Variants in NRG3 observed in about 807,000 individuals in gnomAD.
NRG3 encodes neuregulin 3.
Under a neutral mutation model 66.9 loss-of-function variants are expected in NRG3, and 31 were observed. The ratio of observed to expected loss-of-function variants is 0.46; its 90% CI spans 0.35 to 0.63. NRG3 has a LOEUF of 0.63. Ranked by LOEUF, NRG3 falls within the 20% of genes least tolerant of loss-of-function variation. The pLI, the probability that NRG3 is intolerant of heterozygous loss-of-function variation, is 0.00. For synonymous variants in NRG3, 393 were observed against 359.4 expected (o/e 1.09, Z -1.06); for missense variants, 910 against 878.9 (o/e 1.04, Z -0.45).
Position 82,871,126 on chromosome 10 carries a change from G to A in NRG3, c.1054+5689G>A, listed in dbSNP as rs114175255. Among the ~76,000 whole-genome samples, 707 of 152,220 alleles carry A rather than the reference G, an allele frequency of 4.6e-3. 7 individuals are homozygous for A. The highest frequency in any genetic ancestry group is 0.016 in the African/African-American group (666 of 41,550). On this transcript the variant is annotated intron_variant, in intron 4 of 8. Transcript: ENST00000372141. Reference sequence around the variant, plus strand: ...GTGTAAGGTCTGTGTCTAGGTGCATGTTTTATTGAATGTGGATGTCAAGTT... The same window carrying A: ...GTGTAAGGTCTGTGTCTAGGTGCATATTTTATTGAATGTGGATGTCAAGTT...
chr10:82,974,323 C>T (rs1474424303), intron 7 of NRG3, among the ~76,000 whole-genome samples: 1 of 152,024 alleles, frequency 6.6e-6, no homozygotes, highest in Admixed American at 6.6e-5. Flanking sequence ...TAAAATTTTC[C>T]ACGGGGAAGA....
At chr10:82,123,940 T>C (rs2068258921) in intron 1 of NRG3, among the ~76,000 whole-genome samples, 1 of 151,950 alleles carries the variant, frequency 6.6e-6, no homozygotes, top group South Asian at 2.1e-4. Flanking sequence ...TGACATCTGA[T>C]ACTCAGGACT....
chr10:82,290,709 A>G (rs1344113416), intron 1 of NRG3, among the ~76,000 whole-genome samples: 3 of 151,040 alleles, frequency 2.0e-5, no homozygotes, highest in Non-Finnish European at 4.4e-5. Flanking sequence ...ATCTCGGCTC[A>G]CTGCAACCTC....
chr10:82,198,273 G>A (rs1392428025), intron 1 of NRG3, among the ~76,000 whole-genome samples: 2 of 150,350 alleles, frequency 1.3e-5, no homozygotes, highest in East Asian at 2.0e-4. Context: ...TCCTTGGGTG[G>A]CAGATCAAAT....
intron 4 of NRG3, among the ~76,000 whole-genome samples, chr10:82,930,243 G>T (rs1847432743): frequency 1.3e-5 from 2 of 152,146 alleles, no homozygotes; most frequent in African/African-American, 4.8e-5. Context: ...GTTTCCCCTT[G>T]TGTGGCAATT....
chr10:82,040,933 C>T (rs542527898), intron 1 of NRG3, among the ~76,000 whole-genome samples: 1 of 152,022 alleles, frequency 6.6e-6, no homozygotes, highest in African/African-American at 2.4e-5. Flanking sequence ...TTTAGACATG[C>T]CCAAAGTGAA....
At chr10:82,304,266 A>G (rs7072313) in intron 1 of NRG3, among the ~76,000 whole-genome samples, 43,683 of 152,026 alleles carry the variant, frequency 0.29, 6,417 homozygotes, top group Middle Eastern at 0.33. Context: ...GAATCTTTTC[A>G]TATGTCTAAG....
intron 4 of NRG3, among the ~76,000 whole-genome samples, chr10:82,906,622 A>C (rs973182241): frequency 6.6e-6 from 1 of 152,204 alleles, no homozygotes; most frequent in African/African-American, 2.4e-5. Flanking sequence ...CATGAAATTT[A>C]AATTAAAACA....
At chr10:82,105,088 G>T (rs2066978351) in intron 1 of NRG3, among the ~76,000 whole-genome samples, 1 of 152,106 alleles carries the variant, frequency 6.6e-6, no homozygotes, top group African/African-American at 2.4e-5. Flanking sequence ...AATATTTTCT[G>T]AGGTTATAGA....
At chr10:82,869,819 C>T (rs1017840641) in intron 4 of NRG3, among the ~76,000 whole-genome samples, 2 of 150,122 alleles carry the variant, frequency 1.3e-5, no homozygotes, top group South Asian at 2.1e-4. Context: ...CGTGTTAGCC[C>T]GGATGGTCTC....
intron 2 of NRG3, among the ~76,000 whole-genome samples, chr10:82,649,701 A>C (rs2133878532): frequency 6.6e-6 from 1 of 151,912 alleles, no homozygotes; most frequent in East Asian, 1.9e-4. Flanking sequence ...TGATCTGCCC[A>C]CTTCAGCCTC....
At chr10:81,904,272 A>G (rs1844375945) in intron 1 of NRG3, among the ~76,000 whole-genome samples, 1 of 151,764 alleles carries the variant, frequency 6.6e-6, no homozygotes, top group South Asian at 2.1e-4. Context: ...AGCCTCCCAA[A>G]CTGCTGGGAT....
chr10:82,008,414 A>G (rs1050448054), intron 1 of NRG3, among the ~76,000 whole-genome samples: 1 of 152,258 alleles, frequency 6.6e-6, no homozygotes, highest in African/African-American at 2.4e-5. Flanking sequence ...GTGATTTGCT[A>G]TAAATATTAC....
chr10:82,119,359 G>C (rs2067935855), intron 1 of NRG3, among the ~76,000 whole-genome samples: 1 of 152,050 alleles, frequency 6.6e-6, no homozygotes, highest in Admixed American at 6.6e-5. Context: ...CTAGCTCCCT[G>C]AATATTTTTA....
At chr10:82,071,867 T>G (rs2133331988) in intron 1 of NRG3, among the ~76,000 whole-genome samples, 1 of 152,144 alleles carries the variant, frequency 6.6e-6, no homozygotes, top group South Asian at 2.1e-4. Flanking sequence ...TAGGGAAGGG[T>G]TTGGTTGATA....
At chr10:82,869,268 T>G (rs550473395) in intron 4 of NRG3, among the ~76,000 whole-genome samples, 1 of 152,188 alleles carries the variant, frequency 6.6e-6, no homozygotes, top group Non-Finnish European at 1.5e-5. Flanking sequence ...TTACAGAGAT[T>G]TCTCACGTAT....
At chr10:82,256,947 G>A (rs917932268) in intron 1 of NRG3, among the ~76,000 whole-genome samples, 19 of 152,128 alleles carry the variant, frequency 1.2e-4, no homozygotes, top group African/African-American at 4.3e-4. Flanking sequence ...ATAAATCAGA[G>A]GTCATGGTCC....
At chr10:82,646,543 A>G (rs752699826) in intron 2 of NRG3, among the ~76,000 whole-genome samples, 7 of 152,216 alleles carry the variant, frequency 4.6e-5, no homozygotes, top group Non-Finnish European at 4.4e-5. Flanking sequence ...ACTTCCCATT[A>G]CAGTAAATTA....
At chr10:82,621,321 G>A (rs2049025454) in intron 2 of NRG3, among the ~76,000 whole-genome samples, 1 of 152,198 alleles carries the variant, frequency 6.6e-6, no homozygotes, top group Admixed American at 6.5e-5. Flanking sequence ...ACAAAACCCA[G>A]TATGGGGGTC....
Sources: allele counts gnomAD v4.1 joint callset (sites outside exome capture counted in the v4.1 genomes callset), GRCh38; gene constraint gnomAD v4.1.1; transcripts MANE v1.5; gene names NCBI Gene and HGNC (gene_info 2026-07-23, HGNC 2026-07-21).